GRM5: variants seen among roughly 807,000 people sequenced by gnomAD.
GRM5 encodes metabotropic glutamate receptor 5.
Under a neutral mutation model 83.1 loss-of-function variants are expected in GRM5, and 19 were observed. That is an observed-to-expected ratio of 0.23 (90% confidence interval 0.16 to 0.34). The LOEUF (loss-of-function observed/expected upper bound fraction) is 0.34. Ranked by LOEUF, GRM5 falls within the 10% of genes least tolerant of loss-of-function variation. The probability of loss-of-function intolerance (pLI) is 1.00; values close to 1 mark genes in which losing one functional copy is unlikely to be tolerated. For missense variants in GRM5, 1,160 were observed against 1,588.3 expected (o/e 0.73, Z 4.58); for synonymous variants, 675 against 633.6 (o/e 1.07, Z -0.98).
At chr11:88,802,760 T>C (rs4094126) in intron 3 of GRM5, among the ~76,000 whole-genome samples, 42,500 of 144,488 alleles carry the variant, frequency 0.29, 6,385 homozygotes, top group South Asian at 0.51. Context: ...TGTTTGCAGA[T>C]GACATGATTG....
At position 88,920,336 on chromosome 11, in the gene GRM5, A is replaced by G. The variant is rs571673376; in HGVS notation, c.662-70181T>C. ...AGACACATACAAATTACCAGTATCAAATGATGAAGAAATCTAAAACCTAAA... is the reference window on the plus strand; with the variant it reads ...AGACACATACAAATTACCAGTATCAGATGATGAAGAAATCTAAAACCTAAA... On this transcript the variant is annotated intron_variant, in intron 2 of 9. Coordinates refer to ENST00000305447, the MANE Select transcript of GRM5 (RefSeq NM_001143831.3). Among the ~76,000 whole-genome samples the G allele has an allele frequency of 3.9e-5, 6 of 151,908 alleles. No homozygotes were observed. In the South Asian group the frequency reaches 1.2e-3, roughly 32 times the overall value.
rs575972399 is a variant in GRM5, at chr11:88,717,118, A to C, written c.912-63715T>G. Among the ~76,000 whole-genome samples the C allele has an allele frequency of 3.0e-4, 46 of 152,094 alleles. 1 individual carries two copies. Among genetic ancestry groups the C allele is most frequent in the African/African-American group, 1.1e-3 (46 of 41,540 alleles). On this transcript the variant is annotated intron_variant, in intron 3 of 9. Transcript: ENST00000305447. The stretch of plus-strand genomic sequence containing the variant: ...GCAACTGTTTTCCTTCTTTAGAAAA[A>C]AGAAACTCAGTACAAAATCACCTTC...
chr11:88,663,428 T>C (rs753501590), intron 3 of GRM5, among the ~76,000 whole-genome samples: 1 of 152,224 alleles, frequency 6.6e-6, no homozygotes, highest in Non-Finnish European at 1.5e-5. Context: ...CTTTTGTTTC[T>C]CTCATCATAT....
intron 2 of GRM5, chr11:88,984,608 TC>T (rs1939637469): frequency 4.5e-6 from 2 of 447,174 alleles, no homozygotes; most frequent in African/African-American, 4.1e-5. Context: ...AGAATTACCT[TC>T]CTAAATTTAA....
intron 2 of GRM5, among the ~76,000 whole-genome samples, chr11:89,016,314 C>T (rs1940854542): frequency 6.7e-6 from 1 of 150,218 alleles, no homozygotes; most frequent in Non-Finnish European, 1.5e-5. Flanking sequence ...ATACATTATA[C>T]ATATATGTAC....
intron 8 of GRM5, among the ~76,000 whole-genome samples, chr11:88,536,321 T>G (rs543459581): frequency 3.3e-5 from 5 of 152,118 alleles, no homozygotes; most frequent in African/African-American, 1.2e-4. Context: ...TATGTGCTTA[T>G]TCCTTATTAG....
intron 3 of GRM5, among the ~76,000 whole-genome samples, chr11:88,747,131 A>G (rs1288690120): frequency 6.6e-6 from 1 of 152,190 alleles, no homozygotes; most frequent in Non-Finnish European, 1.5e-5. Flanking sequence ...TCTGTTTCTC[A>G]CTAAAACCAA....
intron 3 of GRM5, among the ~76,000 whole-genome samples, chr11:88,760,855 C>T (rs79678845): frequency 2.8e-4 from 43 of 152,214 alleles, no homozygotes; most frequent in Admixed American, 1.9e-3. Flanking sequence ...AAAGCTTATC[C>T]GTCATGATCA....
intron 2 of GRM5, among the ~76,000 whole-genome samples, chr11:89,045,328 TCTTAA>T (rs1249859375): frequency 2.6e-5 from 4 of 152,222 alleles, no homozygotes; most frequent in African/African-American, 4.8e-5. Flanking sequence ...CCACCTCATT[TCTTAA>T]CTTAGATTTC....
At chr11:88,694,977 A>G (rs900367867) in intron 3 of GRM5, among the ~76,000 whole-genome samples, 1 of 152,216 alleles carries the variant, frequency 6.6e-6, no homozygotes, top group Non-Finnish European at 1.5e-5. Context: ...CTACTCTCAC[A>G]TGAGCTCTGA....
intron 2 of GRM5, among the ~76,000 whole-genome samples, chr11:89,038,604 T>C (rs911977456): frequency 6.6e-6 from 1 of 152,178 alleles, no homozygotes; most frequent in Admixed American, 6.5e-5. Flanking sequence ...CCTTAATTTG[T>C]TTTCTTTTCA....
chr11:89,063,986 G>T (rs1942051194), intron 1 of GRM5, among the ~76,000 whole-genome samples: 1 of 152,130 alleles, frequency 6.6e-6, no homozygotes, highest in Admixed American at 6.5e-5. Flanking sequence ...GTGAGAAAGG[G>T]CACCTGTGCC....
chr11:88,709,905 G>A (rs1307232460), intron 3 of GRM5, among the ~76,000 whole-genome samples: 1 of 152,174 alleles, frequency 6.6e-6, no homozygotes, highest in Non-Finnish European at 1.5e-5. Context: ...GCAGGAGGAA[G>A]TTGGAAAGAA....
chr11:88,804,389 A>G (rs1282057416), intron 3 of GRM5, among the ~76,000 whole-genome samples: 7 of 149,580 alleles, frequency 4.7e-5, no homozygotes, highest in Non-Finnish European at 1.0e-4. Context: ...CTTTGTAGGG[A>G]CATGGATGAA....
At chr11:88,708,010 T>C (rs776615003) in intron 3 of GRM5, among the ~76,000 whole-genome samples, 4 of 152,096 alleles carry the variant, frequency 2.6e-5, no homozygotes, top group Non-Finnish European at 5.9e-5. Context: ...GAGAACCACC[T>C]GCACTACAAT....
intron 2 of GRM5, among the ~76,000 whole-genome samples, chr11:88,934,381 C>A (rs1937821897): frequency 6.6e-6 from 1 of 151,832 alleles, no homozygotes; most frequent in Admixed American, 6.6e-5. Context: ...CCCAAAGCTG[C>A]TCTATTTGTC....
intron 2 of GRM5, among the ~76,000 whole-genome samples, chr11:88,881,444 C>T (rs892871752): frequency 1.1e-4 from 16 of 151,566 alleles, no homozygotes; most frequent in African/African-American, 3.4e-4. Flanking sequence ...ACATCTTCTG[C>T]GATAAAATAA....
At chr11:89,028,765 T>C (rs1468227039) in intron 2 of GRM5, among the ~76,000 whole-genome samples, 3 of 152,326 alleles carry the variant, frequency 2.0e-5, no homozygotes, top group African/African-American at 7.2e-5. Flanking sequence ...TTGTTAGTAA[T>C]AGAAAATTAA....
At chr11:88,910,128 A>G (rs1012237595) in intron 2 of GRM5, among the ~76,000 whole-genome samples, 1 of 151,824 alleles carries the variant, frequency 6.6e-6, no homozygotes, top group African/African-American at 2.4e-5. Flanking sequence ...ACCTCCATCA[A>G]CGTATCTATT....
Sources: allele counts gnomAD v4.1 joint callset (sites outside exome capture counted in the v4.1 genomes callset), GRCh38; gene constraint gnomAD v4.1.1; transcripts MANE v1.5; gene names NCBI Gene and HGNC (gene_info 2026-07-23, HGNC 2026-07-21).